DENND1B: variants seen among roughly 807,000 people sequenced by gnomAD.
The protein encoded by DENND1B is DENN domain containing 1B.
DENND1B carries 59 observed loss-of-function variants against 90.1 expected under a neutral mutation model. That is an observed-to-expected ratio of 0.65 (90% CI 0.53 to 0.81). The LOEUF (loss-of-function observed/expected upper bound fraction) is 0.81, where lower values mean the gene tolerates loss of function less well. Among genes scored for constraint, DENND1B ranks in the 40% least tolerant of loss-of-function variants. The pLI is 0.00. For missense variants in DENND1B, 862 were observed against 912.6 expected (o/e 0.94, Z 0.71); for synonymous variants, 337 against 324.6 (o/e 1.04, Z -0.41).
chr1:197,766,693 C>G (rs1655742288), intron 2 of DENND1B, among the ~76,000 whole-genome samples: 1 of 152,126 alleles, frequency 6.6e-6, no homozygotes. Context: ...CATACCAGCA[C>G]ACATTTAAAA....
intron 3 of DENND1B, among the ~76,000 whole-genome samples, chr1:197,694,801 G>A (rs1267013293): frequency 1.3e-5 from 2 of 151,158 alleles, no homozygotes; most frequent in African/African-American, 4.8e-5. Flanking sequence ...AAATTTCACT[G>A]CCATAAAAAT....
chr1:197,598,710 A>G (rs1267948660), intron 13 of DENND1B, among the ~76,000 whole-genome samples: 1 of 151,864 alleles, frequency 6.6e-6, no homozygotes, highest in Non-Finnish European at 1.5e-5. Flanking sequence ...ACATAATCCT[A>G]TTAATACTGA....
chr1:197,778,755 G>T (rs576607611), upstream of DENND1B, among the ~76,000 whole-genome samples: 1 of 150,300 alleles, frequency 6.7e-6, no homozygotes, highest in Non-Finnish European at 1.5e-5. Flanking sequence ...TGTACTTCCC[G>T]TTTGTTTCTT....
chr1:197,691,334 G>C lies in DENND1B; in HGVS notation c.127-17165C>G, dbSNP rs927679583. Among the ~76,000 whole-genome samples the C allele has an allele frequency of 5.3e-5, 8 of 150,074 alleles. No individual in the cohort carries two copies. The South Asian group carries it at 8.4e-4, about 16-fold the overall frequency. On this transcript the variant is annotated intron_variant, in intron 3 of 22. Coordinates refer to ENST00000620048, the MANE Select transcript of DENND1B (RefSeq NM_001195215.2). ...AGACATTTCTCCAAAGAAGTCATAC[G>C]AATGGCTAAGAGTTATATGAAAACA...
chr1:197,605,396 TTA>T (rs1676581062), intron 13 of DENND1B: 1 of 151,068 alleles, frequency 6.6e-6, no homozygotes, highest in Non-Finnish European at 1.5e-5. Flanking sequence ...ATTTCAAAGA[TTA>T]TTTTTTCAAG....
chr1:197,634,441 T>C (rs1246034062), intron 10 of DENND1B, among the ~76,000 whole-genome samples: 2 of 152,144 alleles, frequency 1.3e-5, no homozygotes. Context: ...CAAATGAACA[T>C]TTTTTATAGA....
At chr1:197,713,857 A>ATATATTATATTATATTAT (rs1458830378) in intron 3 of DENND1B, among the ~76,000 whole-genome samples, 1 of 9,720 alleles carries the variant, frequency 1.0e-4, no homozygotes, top group East Asian at 2.7e-3. Context: ...TATTATTATA[A>ATATATTATATTATATTAT]TATATTATAT....
At chr1:197,521,647 A>G (rs1668786576) in intron 20 of DENND1B, among the ~76,000 whole-genome samples, 1 of 152,038 alleles carries the variant, frequency 6.6e-6, no homozygotes, top group African/African-American at 2.4e-5. Context: ...ATATGTGAAT[A>G]AATTAAATAA....
intron 15 of DENND1B, among the ~76,000 whole-genome samples, chr1:197,560,687 C>T (rs1672088689): frequency 6.6e-6 from 1 of 151,828 alleles, no homozygotes; most frequent in Non-Finnish European, 1.5e-5. Flanking sequence ...ATCCCATCAG[C>T]CATAATGACT....
At chr1:197,630,775 C>T (rs1222240340) in intron 10 of DENND1B, among the ~76,000 whole-genome samples, 1 of 152,030 alleles carries the variant, frequency 6.6e-6, no homozygotes, top group East Asian at 1.9e-4. Flanking sequence ...AAGTCAATTG[C>T]CCAAGATTAC....
At chr1:197,686,422 T>A (rs984908703) in intron 3 of DENND1B, among the ~76,000 whole-genome samples, 1 of 152,122 alleles carries the variant, frequency 6.6e-6, no homozygotes, top group Non-Finnish European at 1.5e-5. Flanking sequence ...GAAAGCATAA[T>A]ACATTCAACA....
chr1:197,717,126 G>C (rs1355993234), intron 2 of DENND1B, among the ~76,000 whole-genome samples: 6 of 151,868 alleles, frequency 4.0e-5, no homozygotes, highest in Non-Finnish European at 7.4e-5. Context: ...GATTAACTTA[G>C]TTACTGCCTA....
At chr1:197,573,054 C>G (rs533829607) in intron 15 of DENND1B, among the ~76,000 whole-genome samples, 12 of 151,886 alleles carry the variant, frequency 7.9e-5, no homozygotes, top group Non-Finnish European at 7.4e-5. Context: ...GTCTTGCTAG[C>G]GGTCTATCAA....
At chr1:197,566,954 G>A (rs541858344) in intron 15 of DENND1B, among the ~76,000 whole-genome samples, 1 of 152,110 alleles carries the variant, frequency 6.6e-6, no homozygotes, top group African/African-American at 2.4e-5. Flanking sequence ...TTCCTAGAGG[G>A]ACAGTAAATC....
At chr1:197,681,057 T>G (rs1001193378) in intron 3 of DENND1B, among the ~76,000 whole-genome samples, 2 of 152,126 alleles carry the variant, frequency 1.3e-5, no homozygotes, top group Admixed American at 6.6e-5. Flanking sequence ...ATTTAACAAG[T>G]GTTTACTAAG....
chr1:197,753,954 C>T (rs1484642932), intron 2 of DENND1B, among the ~76,000 whole-genome samples: 1 of 151,674 alleles, frequency 6.6e-6, no homozygotes, highest in East Asian at 1.9e-4. Context: ...GAGCCGAGAT[C>T]GTGCCACTGC....
chr1:197,724,279 A>G (rs1661434247), intron 2 of DENND1B, among the ~76,000 whole-genome samples: 1 of 152,160 alleles, frequency 6.6e-6, no homozygotes, highest in Non-Finnish European at 1.5e-5. Flanking sequence ...TTAAAATGAA[A>G]AATACATTAA....
intron 2 of DENND1B, among the ~76,000 whole-genome samples, chr1:197,726,007 C>T (rs925974353): frequency 1.3e-5 from 2 of 151,878 alleles, no homozygotes; most frequent in Admixed American, 6.6e-5. Context: ...TACATATACA[C>T]ACACACACAC....
chr1:197,593,074 A>ATAT (rs1675377889), intron 14 of DENND1B, among the ~76,000 whole-genome samples: 1 of 152,062 alleles, frequency 6.6e-6, no homozygotes, highest in Admixed American at 6.6e-5. Flanking sequence ...AAGTAAAGAG[A>ATAT]GAAGACATTG....
Sources: gnomAD v4.1 joint callset for allele counts (sites outside exome capture counted in the v4.1 genomes callset) on GRCh38, gnomAD v4.1.1 for gene constraint, MANE v1.5 for transcripts, NCBI Gene and HGNC (gene_info 2026-07-23, HGNC 2026-07-21) for gene names.